The following PRKCE variants were observed in gnomAD, a reference collection of about 807,000 sequenced individuals.
PRKCE encodes protein kinase C epsilon type.
Under a neutral mutation model 85.4 loss-of-function variants are expected in PRKCE, and 16 were observed. The observed-to-expected ratio is 0.19, with a 90% CI of 0.13 to 0.28. The LOEUF is 0.28. PRKCE is among the 10% of genes least tolerant of loss of function. PRKCE has a pLI of 1.00. For synonymous variants in PRKCE, 388 were observed against 371.5 expected (o/e 1.04, Z -0.51); for missense variants, 573 against 975.2 (o/e 0.59, Z 5.49).
At chr2:45,660,251 A>C (rs979260660) in intron 1 of PRKCE, among the ~76,000 whole-genome samples, 3 of 152,346 alleles carry the variant, frequency 2.0e-5, no homozygotes, top group African/African-American at 7.2e-5. Flanking sequence ...TGTACAGTTG[A>C]AAGAAGTGAG....
intron 1 of PRKCE, among the ~76,000 whole-genome samples, chr2:45,744,949 G>A (rs1368262462): frequency 3.9e-5 from 6 of 152,162 alleles, no homozygotes; most frequent in Admixed American, 2.6e-4. Context: ...TGATTTGTGA[G>A]TCTCTTGTGG....
At chr2:45,683,647 G>A (rs1466891876) in intron 1 of PRKCE, among the ~76,000 whole-genome samples, 5 of 152,164 alleles carry the variant, frequency 3.3e-5, no homozygotes, top group Admixed American at 1.3e-4. Context: ...AATGCTTTGC[G>A]GGAGCAGTAT....
intron 1 of PRKCE, among the ~76,000 whole-genome samples, chr2:45,781,582 C>A (rs186203070): frequency 1.0e-3 from 156 of 152,272 alleles, no homozygotes; most frequent in Non-Finnish European, 1.9e-3. Flanking sequence ...GTGCAGGGAG[C>A]TTTACTCAGA....
chr2:46,048,897 C>T (rs1256164621), intron 10 of PRKCE, among the ~76,000 whole-genome samples: 1 of 152,202 alleles, frequency 6.6e-6, no homozygotes, highest in Non-Finnish European at 1.5e-5. Context: ...CTGCACTTTC[C>T]TATAGCTCTG....
At chr2:46,135,360 C>G (rs934795099) in intron 11 of PRKCE, among the ~76,000 whole-genome samples, 18 of 152,226 alleles carry the variant, frequency 1.2e-4, no homozygotes, top group African/African-American at 4.1e-4. Flanking sequence ...TGATTCAGAG[C>G]ATGGAAGTGG....
intron 2 of PRKCE, among the ~76,000 whole-genome samples, chr2:45,908,501 C>T (rs78242975): frequency 0.065 from 9,894 of 152,214 alleles, 585 homozygotes; most frequent in East Asian, 0.28. Context: ...TGTTAGGATG[C>T]AGATTCTGAC....
At chr2:46,096,303 A>G (rs962769955) in intron 11 of PRKCE, among the ~76,000 whole-genome samples, 1 of 152,214 alleles carries the variant, frequency 6.6e-6, no homozygotes, top group Non-Finnish European at 1.5e-5. Flanking sequence ...GCTGAGTGCA[A>G]TCTTTGACAC....
chr2:46,037,604 C>T (rs918768175), intron 10 of PRKCE, among the ~76,000 whole-genome samples: 5 of 152,122 alleles, frequency 3.3e-5, no homozygotes, highest in Non-Finnish European at 5.9e-5. Context: ...GAAACATACC[C>T]AAGCCATTAT....
chr2:46,140,303 C>A (rs901317821), intron 11 of PRKCE, among the ~76,000 whole-genome samples: 7 of 152,022 alleles, frequency 4.6e-5, no homozygotes, highest in African/African-American at 1.4e-4. Context: ...CATTATAAAC[C>A]TGCAATAATT....
chr2:46,010,608 C>G (rs1484310023), intron 10 of PRKCE, 91 bp downstream of exon 10: 12 of 1,598,952 alleles, frequency 7.5e-6, no homozygotes, highest in African/African-American at 1.3e-5. Flanking sequence ...ATTGTTCTCT[C>G]AAAGACTTTG....
chr2:45,740,059 A>G (rs1039405254), intron 1 of PRKCE, among the ~76,000 whole-genome samples: 4 of 151,320 alleles, frequency 2.6e-5, no homozygotes, highest in African/African-American at 7.3e-5. Context: ...GCTTGTGCCT[A>G]TAGCCCCAAC....
chr2:45,948,341 T>C (rs570080226), intron 2 of PRKCE, among the ~76,000 whole-genome samples: 72 of 152,282 alleles, frequency 4.7e-4, no homozygotes, highest in African/African-American at 1.7e-3. Flanking sequence ...TTAGCAAATA[T>C]AAAAATTTTG....
At chr2:46,106,850 A>T (rs374285539) in intron 11 of PRKCE, among the ~76,000 whole-genome samples, 22 of 152,366 alleles carry the variant, frequency 1.4e-4, no homozygotes, top group African/African-American at 5.0e-4. Flanking sequence ...TTTGCAGAAC[A>T]CAAATCAGTC....
chr2:45,994,620 C>G (rs192951947), intron 6 of PRKCE, among the ~76,000 whole-genome samples: 101 of 152,306 alleles, frequency 6.6e-4, no homozygotes, highest in African/African-American at 2.2e-3. Context: ...CAGTTGCTAA[C>G]TCACTTCTTT....
chr2:45,984,400 T>C, intron 5 of PRKCE, 151 bp from the exon 6 acceptor site: 1 of 1,091,234 alleles, frequency 9.2e-7, no homozygotes, highest in Non-Finnish European at 1.3e-6. Flanking sequence ...GAAGCTCTTT[T>C]CACCTCAGGG....
rs181444996 is a variant in PRKCE, at chr2:45,943,861, G to T, written c.413-32568G>T. 2.0e-5 allele frequency among the ~76,000 whole-genome samples: 3 copies of T among 152,288 alleles called. No homozygotes were observed. The South Asian group carries it at 6.2e-4, about 32-fold the overall frequency. On this transcript the variant is annotated intron_variant, in intron 2 of 14. Coordinates refer to ENST00000306156, the MANE Select transcript of PRKCE (RefSeq NM_005400.3). ...ACAAAGGTGAATTTGGAGTGACCGC[G>T]CAGTGAAACTGCCCAGTCTAGATCA...
chr2:45,913,889 C>G (rs1697560157), intron 2 of PRKCE, among the ~76,000 whole-genome samples: 1 of 152,198 alleles, frequency 6.6e-6, no homozygotes, highest in Non-Finnish European at 1.5e-5. Context: ...GTAAGGAATC[C>G]TGCCCAAACT....
chr2:45,892,866 G>A lies in PRKCE; in HGVS notation c.412+49803G>A, dbSNP rs147723425. ...GTACCCTTCTGTTTGCAGAAAGAGC[G>A]ACCAGAAATGTGCAGCAGTCAGTAA... On this transcript the variant is annotated intron_variant, in intron 2 of 14. Transcript: ENST00000306156. 4.6e-3 allele frequency among the ~76,000 whole-genome samples: 699 copies of A among 152,258 alleles called. 6 individuals carry two copies. The highest frequency in any genetic ancestry group is 0.016 in the African/African-American group (662 of 41,534).
intron 1 of PRKCE, among the ~76,000 whole-genome samples, chr2:45,673,867 A>T (rs1234742944): frequency 6.6e-6 from 1 of 152,198 alleles, no homozygotes; most frequent in Non-Finnish European, 1.5e-5. Flanking sequence ...TCATGGTTCC[A>T]GGGATCGTTC....
Sources: allele counts gnomAD v4.1 joint callset (sites outside exome capture counted in the v4.1 genomes callset), GRCh38; gene constraint gnomAD v4.1.1; transcripts MANE v1.5; gene names NCBI Gene and HGNC (gene_info 2026-07-23, HGNC 2026-07-21).